PLEKHM3: variants seen among roughly 807,000 people sequenced by gnomAD.
PLEKHM3 encodes pleckstrin homology domain containing M3.
PLEKHM3 carries 45 observed loss-of-function variants against 81.8 expected under a neutral mutation model. The observed-to-expected ratio is 0.55, with a 90% CI of 0.43 to 0.71. The LOEUF is 0.71. Ranked by LOEUF, PLEKHM3 falls within the 30% of genes least tolerant of loss-of-function variation. PLEKHM3 has a pLI of 0.00. For synonymous variants in PLEKHM3, 352 were observed against 356.4 expected, an observed-to-expected ratio of 0.99 and a Z score of 0.14; for missense variants, 788 against 924.3, an observed-to-expected ratio of 0.85 and a Z score of 1.91.
At chr2:207,908,620 A>G in intron 5 of PLEKHM3, 43 bp from the exon 6 acceptor site, 1 of 1,504,360 alleles carries the variant, frequency 6.6e-7, no homozygotes, top group Non-Finnish European at 9.2e-7. Flanking sequence ...TGGTGCTGCC[A>G]TAACACACAT....
At position 207,853,873 on chromosome 2, in the gene PLEKHM3, C is replaced by T. The variant is rs563598374; in HGVS notation, c.2108+7232G>A. ...GCAGCCTCCGCCTGCTGAGTTTGAG[C>T]GATTCTCATGGCTCAGCCTTCTGAG... is the stretch of plus-strand genomic sequence containing the variant. On this transcript the variant is annotated intron_variant, in intron 7 of 7. Coordinates refer to ENST00000427836, the MANE Select transcript of PLEKHM3 (RefSeq NM_001080475.3). Among the ~76,000 whole-genome samples the T allele has an allele frequency of 4.6e-5, 7 of 152,182 alleles. No homozygotes were observed. The East Asian group carries it at 7.8e-4, about 17-fold the overall frequency.
intron 1 of PLEKHM3, among the ~76,000 whole-genome samples, chr2:208,012,879 CA>C (rs1692748933): frequency 6.6e-6 from 1 of 152,230 alleles, no homozygotes; most frequent in African/African-American, 2.4e-5. Flanking sequence ...GATTTCTAAT[CA>C]CATAACCATT....
intron 2 of PLEKHM3, among the ~76,000 whole-genome samples, chr2:207,989,254 G>C (rs1387344291): frequency 6.6e-6 from 1 of 152,228 alleles, no homozygotes; most frequent in South Asian, 2.1e-4. Flanking sequence ...GTGGAGAAAA[G>C]ATGGGCCCCA....
Position 207,977,429 on chromosome 2 carries a change from C to T in PLEKHM3, c.768G>A (p.Thr256=), listed in dbSNP as rs117434862. 794 of 1,614,114 alleles carry T rather than the reference C, an allele frequency of 4.9e-4. 6 individuals are homozygous for T. In the East Asian group the frequency reaches 0.016, roughly 33 times the overall value. ...TGCTCTGGAAGTGTGAAAGCTGGTA[C>T]GTGGCATAAAGGTTTTGATTCCCAC... ...DSSGNQNLYA[T]YQLSHFQSIS... is the part of the protein sequence containing the mutation. The change falls in exon 3 of 8, where the codon ACG becomes ACA. Residue 256 remains threonine (T), a synonymous_variant. Coordinates refer to ENST00000427836, the MANE Select transcript of PLEKHM3 (RefSeq NM_001080475.3).
intron 7 of PLEKHM3, among the ~76,000 whole-genome samples, chr2:207,833,661 T>G (rs561311672): frequency 6.6e-6 from 1 of 152,298 alleles, no homozygotes; most frequent in Admixed American, 6.5e-5. Flanking sequence ...TAGATGCCAA[T>G]AGCCATGTCA....
chr2:207,954,759 T>C (rs143575888), intron 3 of PLEKHM3, among the ~76,000 whole-genome samples: 1 of 152,344 alleles, frequency 6.6e-6, no homozygotes, highest in East Asian at 1.9e-4. Context: ...GTGCTAGAGG[T>C]ACTATATTTA....
At chr2:207,885,632 G>GT (rs1687862750) in intron 6 of PLEKHM3, among the ~76,000 whole-genome samples, 1 of 152,142 alleles carries the variant, frequency 6.6e-6, no homozygotes, top group Non-Finnish European at 1.5e-5. Context: ...GACTGTTTAG[G>GT]TTTTTCTCAA....
At chr2:207,970,522 A>G (rs1410424077) in intron 3 of PLEKHM3, among the ~76,000 whole-genome samples, 1 of 152,222 alleles carries the variant, frequency 6.6e-6, no homozygotes, top group Non-Finnish European at 1.5e-5. Context: ...AAGGGAATTT[A>G]TAACAAAAAA....
intron 4 of PLEKHM3, among the ~76,000 whole-genome samples, chr2:207,942,907 T>C (rs1021272867): frequency 5.3e-5 from 8 of 151,526 alleles, no homozygotes; most frequent in African/African-American, 1.9e-4. Context: ...TCAAAAAAAA[T>C]AAAGAAATAA....
At chr2:208,003,674 A>T (rs1377571685) in intron 1 of PLEKHM3, among the ~76,000 whole-genome samples, 1 of 152,228 alleles carries the variant, frequency 6.6e-6, no homozygotes, top group Non-Finnish European at 1.5e-5. Context: ...TAGTTATAAA[A>T]CATTTCTAGC....
chr2:207,955,167 G>A (rs1053264816), intron 3 of PLEKHM3, among the ~76,000 whole-genome samples: 3 of 152,286 alleles, frequency 2.0e-5, no homozygotes, highest in African/African-American at 7.2e-5. Context: ...CATGACTTGA[G>A]TTGTTGAGTT....
intron 3 of PLEKHM3, among the ~76,000 whole-genome samples, chr2:207,967,258 A>G (rs1444803201): frequency 6.6e-6 from 1 of 152,100 alleles, no homozygotes; most frequent in East Asian, 1.9e-4. Context: ...GCCTCCCAAA[A>G]TGCTGAGATT....
chr2:207,999,525 G>A (rs1254266358), intron 2 of PLEKHM3, among the ~76,000 whole-genome samples: 2 of 152,132 alleles, frequency 1.3e-5, no homozygotes, highest in Admixed American at 6.5e-5. Flanking sequence ...AGGATCCCAT[G>A]AGCCAAGAGT....
At chr2:207,858,136 A>ATGTGTGTGTGTGTG (rs141449083) in intron 7 of PLEKHM3, among the ~76,000 whole-genome samples, 10 of 126,920 alleles carry the variant, frequency 7.9e-5, no homozygotes, top group African/African-American at 3.2e-4. Flanking sequence ...TCATATAGAT[A>ATGTGTGTGTGTGTG]TGTGTGTGTG....
At chr2:207,911,439 T>TGGTTA (rs1292964459) in intron 5 of PLEKHM3, among the ~76,000 whole-genome samples, 2 of 152,222 alleles carry the variant, frequency 1.3e-5, no homozygotes, top group Non-Finnish European at 2.9e-5. Flanking sequence ...CCATGGCATA[T>TGGTTA]TGATCAAAAA....
intron 5 of PLEKHM3, among the ~76,000 whole-genome samples, chr2:207,929,099 G>C (rs1170937632): frequency 6.6e-6 from 1 of 152,116 alleles, no homozygotes; most frequent in African/African-American, 2.4e-5. Context: ...CCTACCTTGT[G>C]CCAGGCATTG....
chr2:207,944,962 A>C (rs1236606542), intron 4 of PLEKHM3, among the ~76,000 whole-genome samples: 1 of 152,134 alleles, frequency 6.6e-6, no homozygotes, highest in Admixed American at 6.5e-5. Flanking sequence ...TTTTATAGCA[A>C]AACTTCTCAA....
chr2:207,923,905 A>ATATATATATAT (rs1396762429), intron 5 of PLEKHM3, among the ~76,000 whole-genome samples: 2 of 28,340 alleles, frequency 7.1e-5, no homozygotes, highest in Non-Finnish European at 1.3e-4. Context: ...ATATATATAT[A>ATATATATATAT]TTTTTTTTTT....
intron 1 of PLEKHM3, among the ~76,000 whole-genome samples, chr2:208,004,077 G>T (rs1692412163): frequency 6.6e-6 from 1 of 151,796 alleles, no homozygotes; most frequent in Non-Finnish European, 1.5e-5. Context: ...AAACTATCTA[G>T]ATATATTATT....
Sources: gnomAD v4.1 joint callset for allele counts (sites outside exome capture counted in the v4.1 genomes callset) on GRCh38, gnomAD v4.1.1 for gene constraint, MANE v1.5 for transcripts, NCBI Gene and HGNC (gene_info 2026-07-23, HGNC 2026-07-21) for gene names.